DGKB: variants seen among roughly 807,000 people sequenced by gnomAD.
The protein encoded by DGKB is 90 kDa diacylglycerol kinase.
A neutral mutation model predicts 114.3 loss-of-function variants in DGKB; 67 were observed. That is an observed-to-expected ratio of 0.59 (90% CI 0.48 to 0.72). DGKB has a LOEUF of 0.72. Among genes scored for constraint, DGKB ranks in the 30% least tolerant of loss-of-function variants. DGKB has a pLI of 0.00. For synonymous variants in DGKB, 398 were observed against 323.1 expected (o/e 1.23, Z -2.49); for missense variants, 907 against 975.2 (o/e 0.93, Z 0.93).
At chr7:14,373,322 T>A (rs2128659209) in intron 21 of DGKB, among the ~76,000 whole-genome samples, 1 of 152,358 alleles carries the variant, frequency 6.6e-6, no homozygotes, top group Non-Finnish European at 1.5e-5. Context: ...CAAATACAGT[T>A]GTTCCACTTC....
chr7:14,403,602 T>C (rs1018296319), intron 21 of DGKB, among the ~76,000 whole-genome samples: 3 of 151,986 alleles, frequency 2.0e-5, no homozygotes. Context: ...TCAACTCCAA[T>C]GCAACTCCTG....
intron 1 of DGKB, among the ~76,000 whole-genome samples, chr7:14,886,993 C>T (rs931766456): frequency 3.3e-5 from 5 of 151,880 alleles, no homozygotes; most frequent in Admixed American, 2.0e-4. Flanking sequence ...CTCGTTAATA[C>T]GGACTCATCC....
intron 2 of DGKB, among the ~76,000 whole-genome samples, chr7:14,789,804 C>A (rs914089955): frequency 2.0e-5 from 3 of 152,014 alleles, no homozygotes; most frequent in Admixed American, 1.3e-4. Context: ...GTGCATTTGC[C>A]TAGGAATGCA....
chr7:14,196,584 T>A (rs1785047802), intron 23 of DGKB, among the ~76,000 whole-genome samples: 1 of 152,160 alleles, frequency 6.6e-6, no homozygotes, highest in Non-Finnish European at 1.5e-5. Context: ...TTTATTTGGA[T>A]GGAATTTTAA....
intron 21 of DGKB, among the ~76,000 whole-genome samples, chr7:14,450,011 A>G (rs2128835310): frequency 6.6e-6 from 1 of 152,186 alleles, no homozygotes; most frequent in South Asian, 2.1e-4. Flanking sequence ...AAAGTTCATT[A>G]TGTATTACTT....
intron 2 of DGKB, among the ~76,000 whole-genome samples, chr7:14,790,599 T>C (rs1241818325): frequency 1.3e-5 from 2 of 152,284 alleles, no homozygotes; most frequent in South Asian, 2.1e-4. Context: ...TGTCCTTTTG[T>C]CAGAAATTAT....
At chr7:14,438,271 C>T (rs972354545) in intron 21 of DGKB, among the ~76,000 whole-genome samples, 6 of 152,076 alleles carry the variant, frequency 3.9e-5, no homozygotes, top group African/African-American at 1.4e-4. Context: ...GTTACTGCTT[C>T]TTAGTGAGGC....
chr7:14,771,840 G>A (rs570536922), intron 2 of DGKB, among the ~76,000 whole-genome samples: 7 of 151,908 alleles, frequency 4.6e-5, no homozygotes, highest in South Asian at 2.1e-4. Flanking sequence ...TCAACTAAGC[G>A]CCAGGCACCC....
chr7:14,815,878 G>A (rs1018882749), intron 2 of DGKB, among the ~76,000 whole-genome samples: 47 of 152,152 alleles, frequency 3.1e-4, no homozygotes, highest in African/African-American at 1.1e-3. Flanking sequence ...AGATCTGTTG[G>A]GTACCAGGGG....
At chr7:14,747,318 C>T (rs1246906161) in intron 4 of DGKB, among the ~76,000 whole-genome samples, 2 of 151,616 alleles carry the variant, frequency 1.3e-5, no homozygotes, top group Non-Finnish European at 2.9e-5. Context: ...TCATCCTCCC[C>T]AGTATCTGGG....
At chr7:14,591,842 G>T (rs2128746570) in intron 17 of DGKB, among the ~76,000 whole-genome samples, 1 of 151,922 alleles carries the variant, frequency 6.6e-6, no homozygotes, top group South Asian at 2.1e-4. Flanking sequence ...TACAGAAAAG[G>T]CAGTAAATTT....
At chr7:14,958,362 G>C (rs1786635063) in intron 1 of DGKB, among the ~76,000 whole-genome samples, 1 of 151,090 alleles carries the variant, frequency 6.6e-6, no homozygotes, top group Non-Finnish European at 1.5e-5. Flanking sequence ...ATGTCAGACA[G>C]TGAATGTGTT....
intron 1 of DGKB, among the ~76,000 whole-genome samples, chr7:14,895,598 T>C (rs537951003): frequency 1.3e-5 from 2 of 151,630 alleles, no homozygotes; most frequent in African/African-American, 2.4e-5. Flanking sequence ...TTCACCAAAG[T>C]GCAACCTTTA....
At chr7:14,740,557 T>A (rs903614659) in intron 4 of DGKB, among the ~76,000 whole-genome samples, 7 of 151,980 alleles carry the variant, frequency 4.6e-5, no homozygotes, top group African/African-American at 1.5e-4. Context: ...AAGCTTTGGG[T>A]TGAAGCCCTA....
chr7:14,969,159 TTTC>T (rs1487216140), intron 1 of DGKB, among the ~76,000 whole-genome samples: 1 of 152,176 alleles, frequency 6.6e-6, no homozygotes, highest in East Asian at 1.9e-4. Flanking sequence ...TCTGTCAGTT[TTTC>T]TTAAGATTTC....
At chr7:14,804,098 T>TGTGTG (rs60634406) in intron 2 of DGKB, among the ~76,000 whole-genome samples, 3 of 151,608 alleles carry the variant, frequency 2.0e-5, no homozygotes, top group Admixed American at 1.3e-4. Context: ...TGTGTGTGTG[T>TGTGTG]TTAGTAATTT....
chr7:14,916,211 A>G (rs1000341622), intron 1 of DGKB, among the ~76,000 whole-genome samples: 2 of 151,916 alleles, frequency 1.3e-5, no homozygotes, highest in Non-Finnish European at 2.9e-5. Context: ...TAATAATATA[A>G]TAAAATAGAA....
chr7:14,641,505 A>C (rs996339034), intron 13 of DGKB, among the ~76,000 whole-genome samples: 1 of 152,014 alleles, frequency 6.6e-6, no homozygotes, highest in African/African-American at 2.4e-5. Flanking sequence ...TGGAAAAAAA[A>C]AAAAGGCTGT....
intron 23 of DGKB, among the ~76,000 whole-genome samples, chr7:14,337,670 A>G (rs988157201): frequency 6.6e-6 from 1 of 152,110 alleles, no homozygotes; most frequent in Non-Finnish European, 1.5e-5. Flanking sequence ...TTAGTCCATT[A>G]ACACTGAAAT....
Sources: gnomAD v4.1 joint callset for allele counts (sites outside exome capture counted in the v4.1 genomes callset) on GRCh38, gnomAD v4.1.1 for gene constraint, MANE v1.5 for transcripts, NCBI Gene and HGNC (gene_info 2026-07-23, HGNC 2026-07-21) for gene names.